The following FANCD2 variants were observed in gnomAD, a reference collection of about 807,000 sequenced individuals.
FANCD2 encodes FA complementation group D2, also known as Fanconi anemia group D2 protein.
A neutral mutation model predicts 192.3 loss-of-function variants in FANCD2; 131 were observed. The ratio of observed to expected loss-of-function variants is 0.68; its 90% confidence interval spans 0.59 to 0.79. FANCD2 has a LOEUF of 0.79. Ranked by LOEUF, FANCD2 falls within the 30% of genes least tolerant of loss-of-function variation. The pLI is 0.00. For missense variants in FANCD2, 1,508 were observed against 1,701.6 expected, an observed-to-expected ratio of 0.89 and a Z score of 2.00; for synonymous variants, 524 against 612.5, an observed-to-expected ratio of 0.86 and a Z score of 2.13.
chr3:10,088,262 A>G (rs544424828), intron 34 of FANCD2, among the ~76,000 whole-genome samples, 187 bp from the exon 35 acceptor site: 2 of 152,280 alleles, frequency 1.3e-5, no homozygotes, highest in African/African-American at 4.8e-5. Context: ...AAATGAGTTT[A>G]TGTCTGGCAA....
intron 18 of FANCD2, 127 bp from the exon 19 acceptor site, chr3:10,060,167 C>CAAAAAAA: frequency 1.8e-6 from 1 of 545,146 alleles, no homozygotes; most frequent in Non-Finnish European, 3.2e-6. Flanking sequence ...AAGTCCGTCT[C>CAAAAAAA]AAAAAAAAAA....
chr3:10,077,446 T>C (rs1246616814), intron 29 of FANCD2, among the ~76,000 whole-genome samples: 1 of 152,008 alleles, frequency 6.6e-6, no homozygotes, highest in African/African-American at 2.4e-5. Flanking sequence ...TGCCAGCTAC[T>C]TGGGAGGCTG....
intron 32 of FANCD2, among the ~76,000 whole-genome samples, chr3:10,082,508 C>T (rs1370869225): frequency 6.6e-6 from 1 of 152,148 alleles, no homozygotes; most frequent in African/African-American, 2.4e-5. Context: ...CTTACCTAGC[C>T]TCTAGGTCTT....
In FANCD2 at chr3:10,085,649, C is replaced by CGAA. The variant is rs1368641820; in HGVS notation, c.3225-161_3225-159dup. ...TCGTTATTCGCCCGCCTCAGCCTCC[C>CGAA]GAAGTGCTGGGATTACAGGTGTGAG... is the stretch of plus-strand genomic sequence containing the variant. On this transcript the variant is annotated intron_variant, in intron 32 of 43. Coordinates refer to ENST00000675286, the MANE Select transcript of FANCD2 (RefSeq NM_001018115.3). 2.1e-5 allele frequency: 13 copies of CGAA among 625,838 alleles called. No individual in the cohort carries two copies. The East Asian group carries it at 2.8e-4, about 13-fold the overall frequency. 38.8% of individuals were successfully genotyped at this position (625,838 alleles called of 1,614,324 possible).
At position 10,034,427 on chromosome 3, in the gene FANCD2, A is replaced by G. The variant is rs373904360; in HGVS notation, c.206-42A>G. 4.2e-6 allele frequency: 6 copies of G among 1,434,288 alleles called. No individual in the cohort carries two copies. In the African/African-American group the frequency reaches 4.2e-5, roughly 10 times the overall value. The allele number at this position is 1,434,288 out of a possible 1,614,324, so 88.8% of individuals were successfully genotyped here. On this transcript the variant is annotated intron_variant, in intron 3 of 43. Coordinates refer to ENST00000675286, the MANE Select transcript of FANCD2 (RefSeq NM_001018115.3). The stretch of plus-strand genomic sequence containing the variant: ...CTTGGGTTTTTAGAGAAGGAAAACT[A>G]TGGTAGGAAACTGGTGACCAGCTCT...
chr3:10,034,625 T>C (rs1054419166), intron 4 of FANCD2, 70 bp from the exon 5 acceptor site: 13 of 1,497,264 alleles, frequency 8.7e-6, no homozygotes, highest in Non-Finnish European at 7.4e-6. Context: ...TTGAGTGGGC[T>C]AGAATGATTT....
At chr3:10,084,936 A>G (rs975786560) in intron 32 of FANCD2, among the ~76,000 whole-genome samples, 3 of 140,264 alleles carry the variant, frequency 2.1e-5, no homozygotes, top group East Asian at 2.1e-4. Flanking sequence ...GATGCAAAAA[A>G]GAACACTCAA....
chr3:10,078,341 C>A, intron 30 of FANCD2, 144 bp downstream of exon 30: 1 of 673,840 alleles, frequency 1.5e-6, no homozygotes, highest in East Asian at 2.8e-5. Context: ...AGACAATATT[C>A]ATCTTGCTTT....
chr3:10,034,849 C>A, intron 5 of FANCD2, 51 bp downstream of exon 5: 2 of 1,294,594 alleles, frequency 1.5e-6, no homozygotes, highest in Non-Finnish European at 2.2e-6. Flanking sequence ...GTTTTGCCAA[C>A]TTCATGGGGC....
intron 2 of FANCD2, chr3:10,032,432 C>T (rs1000093275): frequency 3.2e-5 from 9 of 284,406 alleles, no homozygotes; most frequent in Non-Finnish European, 5.3e-5. Flanking sequence ...AGGTGTGCGT[C>T]TCCTCACCTA....
At position 10,092,174 on chromosome 3, in the gene FANCD2, G is replaced by A. The variant is rs1694654417; in HGVS notation, c.3778-7G>A. ...CTCAGAGGTGCCCATATATTTGGCT[G>A]CCCCAGATTCATGAAGAGAAACTCC... On this transcript the variant is annotated splice_region_variant and splice_polypyrimidine_tract_variant and intron_variant, in intron 37 of 43. Transcript: ENST00000675286. 6.2e-7 allele frequency: 1 copy of A among 1,610,974 alleles called. No homozygotes were observed. The highest frequency in any genetic ancestry group is 2.2e-5 in the East Asian group (1 of 44,872).
rs1388598850 is a variant in FANCD2 at position 10,054,396 on chromosome 3, C to T, written c.1656+1899C>T. ...GTATATACATATATATATGTATATA[C>T]GTATATGTATATACGTATATACATA... is the stretch of plus-strand genomic sequence containing the variant. On this transcript the variant is annotated intron_variant, in intron 18 of 43. Coordinates refer to ENST00000675286, the MANE Select transcript of FANCD2 (RefSeq NM_001018115.3). Among the ~76,000 whole-genome samples the T allele has an allele frequency of 1.6e-4, 13 of 79,246 alleles. No homozygotes were observed. In the South Asian group the frequency reaches 2.3e-3, roughly 14 times the overall value. 52.0% of individuals were successfully genotyped at this position (79,246 alleles called of 152,430 possible).
intron 10 of FANCD2, among the ~76,000 whole-genome samples, chr3:10,042,120 A>G (rs915644512): frequency 6.6e-6 from 1 of 151,032 alleles, no homozygotes; most frequent in Non-Finnish European, 1.5e-5. Flanking sequence ...CTGGTCTTGA[A>G]CTCCGGACCT....
intron 18 of FANCD2, among the ~76,000 whole-genome samples, chr3:10,054,237 C>A (rs1053801030): frequency 4.0e-5 from 6 of 149,228 alleles, no homozygotes; most frequent in Non-Finnish European, 7.4e-5. Context: ...ATAAATAAAA[C>A]GAAGAGATTA....
intron 19 of FANCD2, among the ~76,000 whole-genome samples, 183 bp downstream of exon 19, chr3:10,060,586 T>C (rs944009219): frequency 2.0e-5 from 3 of 152,226 alleles, no homozygotes; most frequent in African/African-American, 7.2e-5. Flanking sequence ...TATGTTTTGC[T>C]GGAATGTGAT....
chr3:10,057,080 G>A (rs1254538145), intron 18 of FANCD2, among the ~76,000 whole-genome samples: 2 of 152,046 alleles, frequency 1.3e-5, no homozygotes, highest in South Asian at 2.1e-4. Context: ...GGTTTGGAAC[G>A]CTTGAGCTCA....
chr3:10,091,385 C>T (rs73016577), intron 37 of FANCD2, among the ~76,000 whole-genome samples: 3,206 of 150,228 alleles, frequency 0.021, 42 homozygotes, highest in South Asian at 0.047. Flanking sequence ...CTGGCATAAA[C>T]CAGTGCAGCC....
chr3:10,032,962 G>A lies in FANCD2; in HGVS notation c.195G>A (p.Gln65=), dbSNP rs36084488. ...SGIILKTGES[Q]NQLAVDQIAF... ...TTATTCTTAAAACGGGAGAGAGTCA[G>A]AATCAACTAGGTAATATTTTAATCT... The change falls in exon 3 of 44, where the codon CAG becomes CAA. Residue 65 remains glutamine (Q), a synonymous_variant. Transcript: ENST00000675286. 1.9e-6 allele frequency: 3 copies of A among 1,575,240 alleles called. No individual in the cohort carries two copies. In the South Asian group the frequency reaches 3.3e-5, roughly 17 times the overall value.
Position 10,087,150 on chromosome 3 carries a change from T to C in FANCD2, c.3352T>C (p.Leu1118=). The C allele has an allele frequency of 6.2e-7, 1 of 1,614,164 alleles. No homozygotes were observed. The highest frequency in any genetic ancestry group is 8.5e-7 in the Non-Finnish European group (1 of 1,180,022). The change falls in exon 34 of 44, where the codon TTG becomes CTG. Residue 1118 remains leucine, a synonymous_variant. Transcript: ENST00000675286. ...EELLSQSVHY[L]QNFHQSIPSF... is the part of the protein sequence containing the mutation. ...TCCTTACAGCCAGAGCGTCCATTAC[T>C]TGCAGAATTTCCATCAAAGCATTCC... is the stretch of plus-strand genomic sequence containing the variant.
Sources: gnomAD v4.1 joint callset for allele counts (sites outside exome capture counted in the v4.1 genomes callset) on GRCh38, gnomAD v4.1.1 for gene constraint, MANE v1.5 for transcripts, NCBI Gene and HGNC (gene_info 2026-07-23, HGNC 2026-07-21) for gene names.